The following C10orf143 variants were observed in gnomAD, a reference collection of about 807,000 sequenced individuals.
The protein encoded by C10orf143 is uncharacterized protein C10orf143.
chr10:130,100,616 C>G (rs149376099), intron 1 of C10orf143, among the ~76,000 whole-genome samples: 84 of 152,104 alleles, frequency 5.5e-4, no homozygotes, highest in African/African-American at 1.9e-3. Context: ...AAATATTAAA[C>G]AAAACACGGA....
intron 1 of C10orf143, among the ~76,000 whole-genome samples, chr10:130,110,487 C>A (rs1398170614): frequency 6.6e-6 from 1 of 152,246 alleles, no homozygotes. Flanking sequence ...CGCCCGACCG[C>A]GCAGGCGCGA....
At chr10:130,060,580 T>G (rs1298291781), downstream of C10orf143, among the ~76,000 whole-genome samples, 1 of 139,222 alleles carries the variant, frequency 7.2e-6, no homozygotes. Context: ...TCCCAGCACT[T>G]TGGGAGGCCA....
chr10:130,038,297 G>T (rs1289684155), intron 3 of C10orf143, among the ~76,000 whole-genome samples: 1 of 152,164 alleles, frequency 6.6e-6, no homozygotes, highest in Admixed American at 6.5e-5. Flanking sequence ...TGAGAAGTGG[G>T]TCCTCAGTTG....
chr10:130,105,720 G>C (rs1861630020), intron 1 of C10orf143, among the ~76,000 whole-genome samples: 1 of 152,060 alleles, frequency 6.6e-6, no homozygotes, highest in South Asian at 2.1e-4. Context: ...ACAAGAGTGA[G>C]ACTCCGTTCC....
rs1860801269 is a variant in C10orf143 at position 130,056,719 on chromosome 10, G to T, written c.298-20749C>A. On this transcript the variant is annotated intron_variant and NMD_transcript_variant, in intron 3 of 5. Coordinates refer to the C10orf143 transcript ENST00000643056. This position sits in a 1 kb window ranked among gnomAD's most constrained non-coding sequence, Gnocchi z 4.6. ...CCATTCTCCTGCCTCAGCCTCCTGA[G>T]TAGCTGGGATTACAGGCACCCACCA... Among the ~76,000 whole-genome samples, 1 of 151,478 alleles carries T rather than the reference G, an allele frequency of 6.6e-6. No individual in the cohort carries two copies. The highest frequency in any genetic ancestry group is 1.5e-5 in the Non-Finnish European group (1 of 67,932).
chr10:130,039,599 C>T (rs559705906), intron 3 of C10orf143, among the ~76,000 whole-genome samples: 5 of 152,334 alleles, frequency 3.3e-5, no homozygotes, highest in African/African-American at 1.2e-4. Context: ...AACATTCTCA[C>T]AGACACACCC....
intron 1 of C10orf143, among the ~76,000 whole-genome samples, chr10:130,083,428 C>T (rs192298807): frequency 2.0e-4 from 31 of 152,218 alleles, no homozygotes; most frequent in Admixed American, 1.0e-3. Context: ...ACACCTCCAA[C>T]GATATGGGAA....
At chr10:130,076,081 C>A (rs1357420007) in intron 3 of C10orf143, among the ~76,000 whole-genome samples, 1 of 151,766 alleles carries the variant, frequency 6.6e-6, no homozygotes, top group Non-Finnish European at 1.5e-5. Flanking sequence ...CTCCACCTCC[C>A]AGGTTCAAGC....
chr10:130,048,846 A>G (rs1219544585), intron 3 of C10orf143, among the ~76,000 whole-genome samples: 1 of 152,082 alleles, frequency 6.6e-6, no homozygotes, highest in East Asian at 1.9e-4. Context: ...AGGAGTACAG[A>G]CATGCGCCAC....
intron 3 of C10orf143, among the ~76,000 whole-genome samples, chr10:130,055,161 C>T (rs1860781391): frequency 3.3e-5 from 5 of 151,170 alleles, no homozygotes; most frequent in Admixed American, 3.3e-4. Flanking sequence ...AAAAAACTCC[C>T]AGAAAAAAAA....
rs141540996 is a variant in C10orf143, at chr10:130,045,286, C to T, written c.298-9316G>A. On this transcript the variant is annotated intron_variant and NMD_transcript_variant, in intron 3 of 5. Coordinates refer to the C10orf143 transcript ENST00000643056. ...ATTGCGCCCTCTGCCTGCAGGTCGG[C>T]GGGGCCTGCTCTTCCCGGCTCCTGA... Among the ~76,000 whole-genome samples, 655 of 152,376 alleles carry T rather than the reference C, an allele frequency of 4.3e-3. 5 individuals are homozygous for T. The highest frequency in any genetic ancestry group is 0.015 in the African/African-American group (619 of 41,588).
At chr10:130,088,497 T>C (rs1296712060) in intron 1 of C10orf143, among the ~76,000 whole-genome samples, 1 of 152,210 alleles carries the variant, frequency 6.6e-6, no homozygotes, top group East Asian at 1.9e-4. Context: ...ATCTTTCATT[T>C]TGAAGGTATT....
chr10:130,055,255 T>C (rs1038028728), intron 3 of C10orf143, among the ~76,000 whole-genome samples: 2 of 152,102 alleles, frequency 1.3e-5, no homozygotes, highest in East Asian at 3.8e-4. Flanking sequence ...AATAGACAAG[T>C]GGGATTTCAT....
intron 1 of C10orf143, 129 bp downstream of exon 1, chr10:130,110,575 G>T (rs1419426794): frequency 2.8e-5 from 11 of 397,132 alleles, no homozygotes; most frequent in Non-Finnish European, 4.9e-5. Context: ...GGACGTACGC[G>T]AGCGTGCGAG....
intron 1 of C10orf143, among the ~76,000 whole-genome samples, chr10:130,088,564 G>A (rs1286614614): frequency 3.3e-5 from 5 of 152,134 alleles, no homozygotes; most frequent in African/African-American, 1.2e-4. Context: ...TAGTGTAAGT[G>A]TATAATGCTG....
intron 3 of C10orf143, among the ~76,000 whole-genome samples, chr10:130,070,320 G>A (rs1448599088): frequency 6.6e-6 from 1 of 152,062 alleles, no homozygotes; most frequent in African/African-American, 2.4e-5. Context: ...AGTGGCCATC[G>A]CACCCCCGGA....
intron 3 of C10orf143, among the ~76,000 whole-genome samples, chr10:130,042,909 G>A (rs971521979): frequency 9.2e-5 from 14 of 152,152 alleles, no homozygotes; most frequent in African/African-American, 3.4e-4. Flanking sequence ...TATCAGTCGT[G>A]GCAAAATACC....
intron 1 of C10orf143, among the ~76,000 whole-genome samples, chr10:130,092,929 A>G (rs533338464): frequency 3.9e-5 from 6 of 152,336 alleles, no homozygotes; most frequent in Non-Finnish European, 5.9e-5. Flanking sequence ...AAGTTCTAAG[A>G]GACCTACAAA....
intron 1 of C10orf143, chr10:130,107,828 C>A: frequency 8.0e-7 from 1 of 1,250,692 alleles, no homozygotes; most frequent in Non-Finnish European, 1.2e-6. Flanking sequence ...GTCCCTGTCA[C>A]TTCCGAGGGA....
Sources: gnomAD v4.1 joint callset for allele counts (sites outside exome capture counted in the v4.1 genomes callset) on GRCh38, gnomAD v4.1.1 for gene constraint, Gnocchi (gnomAD v3.1) non-coding constraint, MANE v1.5 for transcripts, NCBI Gene and HGNC (gene_info 2026-07-23, HGNC 2026-07-21) for gene names.